SH3RF1: variants seen among roughly 807,000 people sequenced by gnomAD.
The protein encoded by SH3RF1 is SH3 domain containing ring finger 1.
In SH3RF1, 32 loss-of-function variants were observed where a neutral mutation model predicts 74.0. The ratio of observed to expected loss-of-function variants is 0.43; its 90% CI spans 0.33 to 0.58. The LOEUF (loss-of-function observed/expected upper bound fraction) is 0.58. SH3RF1 is among the 20% of genes least tolerant of loss of function. The pLI is 0.05. For missense variants in SH3RF1, 954 were observed against 1,130.9 expected (o/e 0.84, Z 2.24); for synonymous variants, 396 against 439.6 (o/e 0.90, Z 1.24).
At chr4:169,185,210 A>T (rs1388313118) in intron 2 of SH3RF1, among the ~76,000 whole-genome samples, 2 of 152,244 alleles carry the variant, frequency 1.3e-5, no homozygotes, top group African/African-American at 4.8e-5. Context: ...ATTGAGGATA[A>T]AATGAATGAA....
chr4:169,211,849 T>C (rs1055545095), intron 2 of SH3RF1, among the ~76,000 whole-genome samples: 5 of 152,180 alleles, frequency 3.3e-5, no homozygotes, highest in Non-Finnish European at 7.4e-5. Flanking sequence ...TCTGGATAAC[T>C]GCACTCCTGA....
chr4:169,218,960 T>C (rs1490075068), intron 2 of SH3RF1, among the ~76,000 whole-genome samples: 1 of 152,194 alleles, frequency 6.6e-6, no homozygotes, highest in Non-Finnish European at 1.5e-5. Context: ...GTCAGACTTC[T>C]TAACAGACTT....
At chr4:169,154,739 G>A (rs1035895701) in intron 4 of SH3RF1, among the ~76,000 whole-genome samples, 16 of 152,080 alleles carry the variant, frequency 1.1e-4, no homozygotes, top group Non-Finnish European at 1.5e-4. Context: ...TCTGGGCCAC[G>A]CTTCCTTCTT....
At chr4:169,152,643 A>C (rs1733993251) in intron 4 of SH3RF1, among the ~76,000 whole-genome samples, 1 of 152,168 alleles carries the variant, frequency 6.6e-6, no homozygotes, top group Non-Finnish European at 1.5e-5. Context: ...AGGCTGACGC[A>C]AGAGAATTGC....
In SH3RF1 at chr4:169,227,573, G is replaced by A. The variant is rs181453738; in HGVS notation, c.393+41247C>T. On this transcript the variant is annotated intron_variant, in intron 2 of 11. Coordinates refer to ENST00000284637, the MANE Select transcript of SH3RF1 (RefSeq NM_020870.4). ...AATCTGAATTAGCATTTGATATTCT[G>A]AAACAACATTTGGCAGGGGTAGCTG... is the stretch of plus-strand genomic sequence containing the variant. Among the ~76,000 whole-genome samples the A allele has an allele frequency of 4.2e-5, 6 of 144,342 alleles. No individual in the cohort carries two copies. In the Admixed American group the frequency reaches 4.3e-4, roughly 10 times the overall value. 94.7% of individuals were successfully genotyped at this position (144,342 alleles called of 152,430 possible). A position where few individuals can be genotyped will look rare whatever the true frequency, so the allele number is the denominator to read the frequency against.
At chr4:169,227,010 T>C (rs1730661792) in intron 2 of SH3RF1, among the ~76,000 whole-genome samples, 1 of 151,660 alleles carries the variant, frequency 6.6e-6, no homozygotes, top group Admixed American at 6.6e-5. Context: ...CTATAAAAAG[T>C]GAAAAACTAG....
At chr4:169,194,908 AG>A (rs1734785182) in intron 2 of SH3RF1, among the ~76,000 whole-genome samples, 1 of 152,188 alleles carries the variant, frequency 6.6e-6, no homozygotes, top group Non-Finnish European at 1.5e-5. Flanking sequence ...CCTTTTCAAA[AG>A]ACTATTTATC....
intron 4 of SH3RF1, among the ~76,000 whole-genome samples, chr4:169,145,326 T>A (rs1372566896): frequency 6.6e-6 from 1 of 151,978 alleles, no homozygotes; most frequent in East Asian, 1.9e-4. Context: ...GTGAAATCAC[T>A]CAGAAACAGA....
At chr4:169,131,138 T>C (rs1478975554) in intron 5 of SH3RF1, among the ~76,000 whole-genome samples, 4 of 152,224 alleles carry the variant, frequency 2.6e-5, no homozygotes, top group Non-Finnish European at 2.9e-5. Context: ...GAGGACCTAA[T>C]GGAAACTTTC....
intron 2 of SH3RF1, among the ~76,000 whole-genome samples, chr4:169,195,462 A>C (rs1405594880): frequency 3.3e-5 from 5 of 152,120 alleles, no homozygotes; most frequent in African/African-American, 1.2e-4. Context: ...TTGTAAATAG[A>C]AGTTATTTAT....
chr4:169,116,565 C>G lies in SH3RF1; in HGVS notation c.1843G>C (p.Gly615Arg), dbSNP rs774965103. 1 of 1,600,684 alleles carries G rather than the reference C, an allele frequency of 6.2e-7. No individual in the cohort carries two copies. The highest frequency in any genetic ancestry group is 8.5e-7 in the Non-Finnish European group (1 of 1,172,350). ...VTPIQVQNAAGLSPASVGLSH... is the reference protein window; with the variant it reads ...VTPIQVQNAARLSPASVGLSH... ...AGGCCCACAGATGCAGGGCTGAGGC[C>G]GGCGGCATTCTGTACCTGGATGGGT... The change falls in exon 10 of 12, where the codon GGC becomes CGC. Residue 615 changes from glycine to arginine, a missense_variant. Physicochemically the swap from Gly to Arg is moderately radical, Grantham distance 125. Around this residue, in one of 3 missense-constraint regions of SH3RF1, gnomAD observed 854 missense variants for 962.5 expected, o/e 0.89. Coordinates refer to ENST00000284637, the MANE Select transcript of SH3RF1 (RefSeq NM_020870.4).
In SH3RF1 at chr4:169,116,396, C is replaced by T; in HGVS notation, c.2012G>A (p.Ser671Asn). The change falls in exon 10 of 12, where the codon AGT (serine) becomes AAT (asparagine). Residue 671 changes from serine (S) to asparagine (N), a missense_variant. Around this residue, in one of 3 missense-constraint regions of SH3RF1, gnomAD observed 854 missense variants for 962.5 expected, o/e 0.89. Transcript: ENST00000284637. Reference protein sequence around the residue: ...AAPLTSPSITSASLEAEPSGR... With the variant: ...AAPLTSPSITNASLEAEPSGR... ...ACTGGGCTCAGCCTCCAGAGAAGCA[C>T]TGGTGATGCTTGGGGAAGTCAGTGG... The T allele has an allele frequency of 1.2e-6, 2 of 1,614,158 alleles. No homozygotes were observed. Among genetic ancestry groups the T allele is most frequent in the African/African-American group, 1.3e-5 (1 of 75,030 alleles).
intron 5 of SH3RF1, among the ~76,000 whole-genome samples, chr4:169,135,382 T>C (rs1039001888): frequency 3.3e-5 from 5 of 152,102 alleles, no homozygotes; most frequent in Non-Finnish European, 7.3e-5. Flanking sequence ...CATAGCTATA[T>C]GGTGGAGCAG....
chr4:169,219,531 C>T (rs982079363), intron 2 of SH3RF1, among the ~76,000 whole-genome samples: 13 of 152,104 alleles, frequency 8.5e-5, no homozygotes, highest in African/African-American at 3.1e-4. Context: ...AAACCAAAAA[C>T]CCCCAAAACT....
intron 2 of SH3RF1, among the ~76,000 whole-genome samples, chr4:169,214,721 G>A (rs1730435537): frequency 6.6e-6 from 1 of 152,080 alleles, no homozygotes; most frequent in African/African-American, 2.4e-5. Context: ...AGGTGCTAAT[G>A]TAAATGGCAA....
chr4:169,263,246 C>G (rs1268195925), intron 2 of SH3RF1, among the ~76,000 whole-genome samples: 2 of 152,132 alleles, frequency 1.3e-5, no homozygotes, highest in Non-Finnish European at 2.9e-5. Context: ...TGCACTTAAT[C>G]CAAGGACCAC....
intron 11 of SH3RF1, 88 bp from the exon 12 acceptor site, chr4:169,096,775 T>C: frequency 6.6e-6 from 8 of 1,210,318 alleles, no homozygotes; most frequent in Non-Finnish European, 9.3e-6. Context: ...ACCTTCAACA[T>C]AAATAGGAAA....
At chr4:169,138,576 G>A (rs1733735597) in intron 4 of SH3RF1, among the ~76,000 whole-genome samples, 1 of 152,162 alleles carries the variant, frequency 6.6e-6, no homozygotes, top group Non-Finnish European at 1.5e-5. Context: ...AGTAGAGGAG[G>A]GAGTTGAGAA....
rs1452234277 is a variant in SH3RF1, at chr4:169,094,411, C to A, written c.*2108G>T. ...ATCTCCCTCTACTGTCTGCAAAAAACCAATAGAAAACCCATACATTATATT... is the reference window on the plus strand; with the variant it reads ...ATCTCCCTCTACTGTCTGCAAAAAAACAATAGAAAACCCATACATTATATT... On this transcript the variant is annotated 3_prime_UTR_variant, in exon 12 of 12. Coordinates refer to ENST00000284637, the MANE Select transcript of SH3RF1 (RefSeq NM_020870.4). 3 of 151,976 alleles carry A rather than the reference C, an allele frequency of 2.0e-5. No individual in the cohort carries two copies. Among genetic ancestry groups the A allele is most frequent in the East Asian group, 1.9e-4 (1 of 5,180 alleles). 9.4% of individuals were successfully genotyped at this position (151,976 alleles called of 1,614,324 possible). A position where few individuals can be genotyped will look rare whatever the true frequency, so the allele number is the denominator to read the frequency against.
Sources: allele counts gnomAD v4.1 joint callset (sites outside exome capture counted in the v4.1 genomes callset), GRCh38; gene constraint gnomAD v4.1.1; regional missense constraint gnomAD v4.1.1; transcripts MANE v1.5; gene names NCBI Gene and HGNC (gene_info 2026-07-23, HGNC 2026-07-21).